COL4A3: variants seen among roughly 807,000 people sequenced by gnomAD.
COL4A3 encodes collagen alpha-3(IV) chain.
In COL4A3, 135 loss-of-function variants were observed where a neutral mutation model predicts 217.4. The observed-to-expected ratio is 0.62, with a 90% CI of 0.54 to 0.72. COL4A3 has a LOEUF of 0.72. COL4A3 is among the 30% of genes least tolerant of loss of function. The probability of loss-of-function intolerance (pLI) is 0.00; values close to 1 mark genes in which losing one functional copy is unlikely to be tolerated. For missense variants in COL4A3, 1,868 were observed against 2,119.9 expected, an observed-to-expected ratio of 0.88 and a Z score of 2.33; for synonymous variants, 690 against 736.3, an observed-to-expected ratio of 0.94 and a Z score of 1.02.
chr2:227,246,842 C>A, intron 7 of COL4A3, 104 bp downstream of exon 7: 1 of 958,186 alleles, frequency 1.0e-6, no homozygotes, highest in South Asian at 1.3e-5. Context: ...TTAGGGAAGT[C>A]TGGGGTAGCC....
intron 1 of COL4A3, among the ~76,000 whole-genome samples, chr2:227,167,197 G>A (rs1305274101): frequency 4.6e-5 from 7 of 152,208 alleles, no homozygotes; most frequent in Non-Finnish European, 1.0e-4. Context: ...TTCTACTCCA[G>A]TTAAGGATGT....
chr2:227,298,178 T>C (rs2073116236), intron 42 of COL4A3, among the ~76,000 whole-genome samples: 1 of 152,104 alleles, frequency 6.6e-6, no homozygotes, highest in Non-Finnish European at 1.5e-5. Context: ...TGAAACCCTG[T>C]CTCTACTAAA....
chr2:227,242,637 A>C (rs1559858992), intron 3 of COL4A3, among the ~76,000 whole-genome samples: 1 of 152,164 alleles, frequency 6.6e-6, no homozygotes, highest in Non-Finnish European at 1.5e-5. Flanking sequence ...TCTATCACCC[A>C]GGATATTCCA....
intron 38 of COL4A3, chr2:227,293,884 C>A: frequency 2.3e-6 from 1 of 438,170 alleles, no homozygotes; most frequent in Non-Finnish European, 4.7e-6. Flanking sequence ...ACACCACTCA[C>A]ATTGGATTAG....
At chr2:227,205,442 C>T (rs879340672) in intron 1 of COL4A3, among the ~76,000 whole-genome samples, 12 of 152,070 alleles carry the variant, frequency 7.9e-5, no homozygotes, top group Non-Finnish European at 1.8e-4. Context: ...GGAGAATTTG[C>T]TTTCAATGCA....
intron 21 of COL4A3, among the ~76,000 whole-genome samples, chr2:227,264,277 G>A (rs1386872431): frequency 6.6e-6 from 1 of 152,134 alleles, no homozygotes; most frequent in African/African-American, 2.4e-5. Flanking sequence ...CTGTGCCAGG[G>A]GAGAAAGAGG....
intron 1 of COL4A3, among the ~76,000 whole-genome samples, chr2:227,200,484 C>G (rs905394631): frequency 6.6e-6 from 1 of 152,188 alleles, no homozygotes; most frequent in Admixed American, 6.5e-5. Context: ...ACAGCCATAG[C>G]ACATAGTCGA....
chr2:227,270,655 T>G, intron 24 of COL4A3, 115 bp from the exon 25 acceptor site: 1 of 970,444 alleles, frequency 1.0e-6, no homozygotes, highest in Non-Finnish European at 1.6e-6. Context: ...GACCAAAGAG[T>G]GTGTTGAAAA....
chr2:227,284,197 C>T lies in COL4A3; in HGVS notation c.2747-14C>T, dbSNP rs2072176320. ...AAGAATTAAGGACCTGATGTTGTTA[C>T]TCCTGTCTGTTAGGGAGCCCTGGAA... On this transcript the variant is annotated splice_polypyrimidine_tract_variant and intron_variant, in intron 33 of 51. Coordinates refer to ENST00000396578, the MANE Select transcript of COL4A3 (RefSeq NM_000091.5). 2 of 1,613,890 alleles carry T rather than the reference C, an allele frequency of 1.2e-6. No individual in the cohort carries two copies. Among genetic ancestry groups the T allele is most frequent in the Admixed American group, 3.3e-5 (2 of 59,996 alleles).
At chr2:227,175,553 T>C (rs185204206) in intron 1 of COL4A3, among the ~76,000 whole-genome samples, 1 of 152,314 alleles carries the variant, frequency 6.6e-6, no homozygotes, top group East Asian at 1.9e-4. Flanking sequence ...TGAGTTTATA[T>C]GCTGATCACA....
At position 227,297,660 on chromosome 2, in the gene COL4A3, C is replaced by G; in HGVS notation, c.3566-14C>G. Reference sequence around the variant, plus strand: ...TGGGCATTAAAGAAACTTATTAAGCCTTCTTCTTTGCAGGAGCCAAAGGAG... The same window carrying G: ...TGGGCATTAAAGAAACTTATTAAGCGTTCTTCTTTGCAGGAGCCAAAGGAG... On this transcript the variant is annotated splice_polypyrimidine_tract_variant and intron_variant, in intron 41 of 51. Coordinates refer to ENST00000396578, the MANE Select transcript of COL4A3 (RefSeq NM_000091.5). 2 of 1,600,568 alleles carry G rather than the reference C, an allele frequency of 1.2e-6. No individual in the cohort carries two copies. The highest frequency in any genetic ancestry group is 1.7e-6 in the Non-Finnish European group (2 of 1,174,556).
At chr2:227,197,423 C>T (rs2066524621) in intron 1 of COL4A3, among the ~76,000 whole-genome samples, 1 of 152,078 alleles carries the variant, frequency 6.6e-6, no homozygotes, top group African/African-American at 2.4e-5. Context: ...GTAGGCTATA[C>T]ATCTAGGTTT....
chr2:227,244,073 G>A (rs955923819), intron 3 of COL4A3, among the ~76,000 whole-genome samples: 2 of 152,146 alleles, frequency 1.3e-5, no homozygotes, highest in East Asian at 3.9e-4. Flanking sequence ...AAGCTTCCAG[G>A]TAATGCTAAT....
chr2:227,193,541 A>G (rs1013243556), intron 1 of COL4A3, among the ~76,000 whole-genome samples: 2 of 151,942 alleles, frequency 1.3e-5, no homozygotes, highest in African/African-American at 2.4e-5. Flanking sequence ...ATGAAACCCC[A>G]TCTCTACTAA....
intron 1 of COL4A3, among the ~76,000 whole-genome samples, chr2:227,209,345 G>A (rs2067226801): frequency 6.6e-6 from 1 of 152,188 alleles, no homozygotes; most frequent in African/African-American, 2.4e-5. Context: ...CTGGCCCAGT[G>A]GCCTTAGGTC....
At position 227,251,404 on chromosome 2, in the gene COL4A3, C is replaced by T. The variant is rs766792090; in HGVS notation, c.645+33C>T. 2.5e-6 allele frequency: 4 copies of T among 1,604,970 alleles called. No homozygotes were observed. In the East Asian group the frequency reaches 6.7e-5, roughly 27 times the overall value. On this transcript the variant is annotated intron_variant, in intron 11 of 51. Coordinates refer to ENST00000396578, the MANE Select transcript of COL4A3 (RefSeq NM_000091.5). ...ACAGTTCATATGATGTAACAGCTAGCACACCCTACTCAATCTCAAAGCCAA... is the reference window on the plus strand; with the variant it reads ...ACAGTTCATATGATGTAACAGCTAGTACACCCTACTCAATCTCAAAGCCAA...
chr2:227,177,268 G>C lies in COL4A3; in HGVS notation c.87+12455G>C, dbSNP rs1445763251. Among the ~76,000 whole-genome samples the C allele has an allele frequency of 1.3e-4, 19 of 150,438 alleles. No individual in the cohort carries two copies. In the East Asian group the frequency reaches 3.8e-3, roughly 30 times the overall value. On this transcript the variant is annotated intron_variant, in intron 1 of 51. Coordinates refer to ENST00000396578, the MANE Select transcript of COL4A3 (RefSeq NM_000091.5). Reference sequence around the variant, plus strand: ...AGGTTCACACCATTCTCCTGCCTCAGCCTCCTGAGTAGCTGGGACTACAGG... The same window carrying C: ...AGGTTCACACCATTCTCCTGCCTCACCCTCCTGAGTAGCTGGGACTACAGG...
chr2:227,177,147 CTT>C (rs200452419), intron 1 of COL4A3, among the ~76,000 whole-genome samples: 2 of 137,744 alleles, frequency 1.5e-5, no homozygotes, highest in Non-Finnish European at 1.6e-5. Context: ...TTTTTCTTTC[CTT>C]TTTTTTTTTT....
chr2:227,203,314 T>C (rs563816279), intron 1 of COL4A3, among the ~76,000 whole-genome samples: 1 of 79,932 alleles, frequency 1.3e-5, no homozygotes, highest in East Asian at 2.8e-4. Flanking sequence ...TGTGTATATA[T>C]ACATATATGT....
Sources: gnomAD v4.1 joint callset for allele counts (sites outside exome capture counted in the v4.1 genomes callset) on GRCh38, gnomAD v4.1.1 for gene constraint, MANE v1.5 for transcripts, NCBI Gene and HGNC (gene_info 2026-07-23, HGNC 2026-07-21) for gene names.